Variants in TLL1 observed in about 807,000 individuals in gnomAD.
The protein encoded by TLL1 is tolloid like 1, also known as tolloid-like protein 1.
Under a neutral mutation model 128.2 loss-of-function variants are expected in TLL1, and 49 were observed. The observed-to-expected ratio is 0.38, with a 90% CI of 0.30 to 0.48. The LOEUF is 0.48. Ranked by LOEUF, TLL1 falls within the 20% of genes least tolerant of loss-of-function variation. The probability of loss-of-function intolerance (pLI) is 0.96; values close to 1 mark genes in which losing one functional copy is unlikely to be tolerated. For synonymous variants in TLL1, 454 were observed against 418.8 expected (o/e 1.08, Z -1.03); for missense variants, 1,123 against 1,242.0 (o/e 0.90, Z 1.44).
intron 1 of TLL1, among the ~76,000 whole-genome samples, chr4:165,908,935 G>A (rs879732991): frequency 1.5e-4 from 23 of 152,180 alleles, no homozygotes; most frequent in Non-Finnish European, 3.1e-4. Flanking sequence ...AATGGCTCAT[G>A]CCTGTAATCC....
At chr4:165,882,572 G>A (rs2110813643) in intron 1 of TLL1, among the ~76,000 whole-genome samples, 1 of 152,146 alleles carries the variant, frequency 6.6e-6, no homozygotes, top group East Asian at 1.9e-4. Context: ...ATCTGGAACG[G>A]GTAAAGGAAA....
chr4:166,024,626 G>A (rs902886895), intron 8 of TLL1, among the ~76,000 whole-genome samples: 2 of 152,096 alleles, frequency 1.3e-5, no homozygotes, highest in African/African-American at 4.8e-5. Context: ...CTAATAATTT[G>A]CTATTTCAAA....
intron 1 of TLL1, among the ~76,000 whole-genome samples, chr4:165,897,894 T>C (rs1266989991): frequency 6.6e-6 from 1 of 152,154 alleles, no homozygotes; most frequent in Non-Finnish European, 1.5e-5. Context: ...TTGTGTCCTC[T>C]TTTATTTCCT....
At chr4:166,014,074 T>C (rs372986625) in intron 7 of TLL1, among the ~76,000 whole-genome samples, 1 of 152,060 alleles carries the variant, frequency 6.6e-6, no homozygotes, top group Non-Finnish European at 1.5e-5. Flanking sequence ...TAGACCTCTA[T>C]GAGGAATCAT....
chr4:166,089,777 A>G (rs1741679754), intron 18 of TLL1, among the ~76,000 whole-genome samples: 1 of 152,056 alleles, frequency 6.6e-6, no homozygotes, highest in African/African-American at 2.4e-5. Context: ...AATTTTTTTT[A>G]TTTCTACTTT....
At chr4:165,975,148 G>T (rs1237048363) in intron 1 of TLL1, among the ~76,000 whole-genome samples, 1 of 152,178 alleles carries the variant, frequency 6.6e-6, no homozygotes, top group Non-Finnish European at 1.5e-5. Context: ...CAGGAAGTGG[G>T]TTTGGCGATG....
At chr4:166,059,055 T>C (rs1740160445) in intron 14 of TLL1, among the ~76,000 whole-genome samples, 1 of 152,112 alleles carries the variant, frequency 6.6e-6, no homozygotes, top group African/African-American at 2.4e-5. Flanking sequence ...AAAGAGGACA[T>C]TGTATATGAG....
chr4:166,092,388 C>A (rs1480134682), intron 19 of TLL1, among the ~76,000 whole-genome samples: 2 of 151,882 alleles, frequency 1.3e-5, no homozygotes, highest in Non-Finnish European at 2.9e-5. Flanking sequence ...TAATAGTAAT[C>A]ATTGGTCTTC....
At chr4:166,046,598 A>C (rs1451579497) in intron 12 of TLL1, among the ~76,000 whole-genome samples, 1 of 152,240 alleles carries the variant, frequency 6.6e-6, no homozygotes, top group Non-Finnish European at 1.5e-5. Flanking sequence ...ACATGTACAC[A>C]GCAGCAAATT....
intron 2 of TLL1, among the ~76,000 whole-genome samples, chr4:165,990,456 C>G (rs1736584596): frequency 6.6e-6 from 1 of 151,832 alleles, no homozygotes; most frequent in African/African-American, 2.4e-5. Flanking sequence ...GCCCAATTTA[C>G]TTTTTTTGCC....
At chr4:165,954,286 G>T (rs17633216) in intron 1 of TLL1, among the ~76,000 whole-genome samples, 2 of 152,064 alleles carry the variant, frequency 1.3e-5, no homozygotes, top group Admixed American at 6.6e-5. Context: ...ACACATACAC[G>T]CTTGAGAGGA....
At chr4:165,936,865 A>G (rs901016009) in intron 1 of TLL1, among the ~76,000 whole-genome samples, 6 of 152,242 alleles carry the variant, frequency 3.9e-5, no homozygotes, top group Non-Finnish European at 8.8e-5. Context: ...CACGGGAGGC[A>G]GAGATTGCCG....
intron 9 of TLL1, among the ~76,000 whole-genome samples, chr4:166,028,131 A>G (rs946624360): frequency 1.3e-5 from 2 of 151,834 alleles, no homozygotes; most frequent in African/African-American, 4.8e-5. Context: ...TGAGCTGGGA[A>G]TTTAACTCAT....
intron 8 of TLL1, among the ~76,000 whole-genome samples, chr4:166,021,289 C>A (rs1738219446): frequency 6.6e-6 from 1 of 151,868 alleles, no homozygotes. Flanking sequence ...ATCTACCCAG[C>A]AGATATTCCC....
intron 1 of TLL1, among the ~76,000 whole-genome samples, chr4:165,892,972 C>A (rs1005279661): frequency 2.0e-5 from 3 of 152,178 alleles, no homozygotes; most frequent in African/African-American, 7.2e-5. Context: ...TAAATCCAAA[C>A]TGTGCTTGCA....
At chr4:165,930,318 CAATT>C (rs1488013603) in intron 1 of TLL1, among the ~76,000 whole-genome samples, 6 of 152,042 alleles carry the variant, frequency 3.9e-5, no homozygotes, top group African/African-American at 1.2e-4. Context: ...TTATAATAAA[CAATT>C]AATGGATGAT....
intron 1 of TLL1, among the ~76,000 whole-genome samples, chr4:165,969,967 G>T (rs1310470149): frequency 2.0e-5 from 3 of 152,066 alleles, no homozygotes; most frequent in Non-Finnish European, 4.4e-5. Context: ...ACAGAAATTT[G>T]TAGTTCCTAC....
intron 15 of TLL1, among the ~76,000 whole-genome samples, chr4:166,061,425 A>C (rs1395723296): frequency 6.6e-6 from 1 of 151,590 alleles, no homozygotes; most frequent in African/African-American, 2.4e-5. Context: ...TTTTGCATTT[A>C]GTAGAGACGG....
In TLL1 at chr4:165,873,785, C is replaced by A; in HGVS notation, c.-120C>A. On this transcript the variant is annotated 5_prime_UTR_variant, in exon 1 of 21. Transcript: ENST00000061240. ...TTCCGGACACCTGAGCACCCCGGTC[C>A]CGCCGAGGAGCCTCCGGGTGGGGAG... 1 of 1,167,246 alleles carries A rather than the reference C, an allele frequency of 8.6e-7. No homozygotes were observed. The highest frequency in any genetic ancestry group is 2.4e-5 in the East Asian group (1 of 42,322). 72.3% of individuals were successfully genotyped at this position (1,167,246 alleles called of 1,614,324 possible). A position where few individuals can be genotyped will look rare whatever the true frequency, so the allele number is the denominator to read the frequency against.
Sources: allele counts gnomAD v4.1 joint callset (sites outside exome capture counted in the v4.1 genomes callset), GRCh38; gene constraint gnomAD v4.1.1; transcripts MANE v1.5; gene names NCBI Gene and HGNC (gene_info 2026-07-23, HGNC 2026-07-21).